Variants in TXNL4A observed in about 807,000 individuals in gnomAD.
TXNL4A encodes the protein thioredoxin like 4A.
A neutral mutation model predicts 14.6 loss-of-function variants in TXNL4A; 17 were observed. The ratio of observed to expected loss-of-function variants is 1.16; its 90% confidence interval spans 0.80 to 1.74. The LOEUF (loss-of-function observed/expected upper bound fraction) is 1.74. TXNL4A is among the 40% of genes most tolerant of loss of function. The probability of loss-of-function intolerance (pLI) is 0.00; values close to 1 mark genes in which losing one functional copy is unlikely to be tolerated. For synonymous variants in TXNL4A, 83 were observed against 70.6 expected (o/e 1.18, Z -0.88); for missense variants, 74 against 195.2 (o/e 0.38, Z 3.70).
At chr18:79,992,530 A>G (rs2051634617), upstream of TXNL4A, among the ~76,000 whole-genome samples, 2 of 152,130 alleles carry the variant, frequency 1.3e-5, no homozygotes, top group African/African-American at 4.8e-5. Flanking sequence ...CCCCAAACTC[A>G]TTAAGCCAAA....
intron 1 of TXNL4A, among the ~76,000 whole-genome samples, chr18:80,020,385 T>C (rs995915860): frequency 1.3e-5 from 2 of 152,180 alleles, no homozygotes; most frequent in African/African-American, 4.8e-5. Flanking sequence ...AGACTTCCTT[T>C]AGAGGATAGC....
intron 1 of TXNL4A, among the ~76,000 whole-genome samples, chr18:80,028,202 G>C (rs2051897504): frequency 6.7e-6 from 1 of 148,774 alleles, no homozygotes; most frequent in Non-Finnish European, 1.5e-5. Context: ...CCAACACCTG[G>C]ACCCGGTGGC....
At chr18:80,013,354 C>G (rs1222468164) in intron 1 of TXNL4A, among the ~76,000 whole-genome samples, 2 of 151,892 alleles carry the variant, frequency 1.3e-5, no homozygotes, top group Admixed American at 6.6e-5. Flanking sequence ...GATCTCCTAC[C>G]TCATGATCCC....
intron 1 of TXNL4A, among the ~76,000 whole-genome samples, chr18:80,006,792 T>C (rs531880583): frequency 1.3e-5 from 2 of 152,284 alleles, no homozygotes; most frequent in South Asian, 4.1e-4. Context: ...ATCGATGAGC[T>C]TGAGAAGGTG....
At chr18:80,030,178 TAGA>T (rs2051912019) in intron 1 of TXNL4A, among the ~76,000 whole-genome samples, 1 of 152,176 alleles carries the variant, frequency 6.6e-6, no homozygotes. Flanking sequence ...AACCCAGGAT[TAGA>T]AGCAGACAAC....
At chr18:80,023,098 A>G (rs561577377) in intron 1 of TXNL4A, among the ~76,000 whole-genome samples, 1 of 152,346 alleles carries the variant, frequency 6.6e-6, no homozygotes, top group South Asian at 2.1e-4. Context: ...GGACTGATTA[A>G]CTTTCAAACA....
intron 1 of TXNL4A, among the ~76,000 whole-genome samples, chr18:80,002,447 CA>C (rs1379832633): frequency 1.3e-5 from 2 of 152,054 alleles, no homozygotes; most frequent in East Asian, 1.9e-4. Context: ...ATGCTAAAAA[CA>C]AAAAAGCCAC....
In TXNL4A at chr18:79,982,839, G is replaced by C. The variant is rs1290535595; in HGVS notation, c.154-5138C>G. Among the ~76,000 whole-genome samples the C allele has an allele frequency of 6.6e-6, 1 of 152,064 alleles. No homozygotes were observed. Among genetic ancestry groups the C allele is most frequent in the Non-Finnish European group, 1.5e-5 (1 of 68,020 alleles). On this transcript the variant is annotated intron_variant, in intron 1 of 2. Coordinates refer to ENST00000269601, the MANE Select transcript of TXNL4A (RefSeq NM_006701.5). The surrounding 1 kb of genome is among the most constrained non-coding windows in gnomAD (Gnocchi z 4.0). Reference sequence around the variant, plus strand: ...TTTTCTTGGTGAAATGGCATCTGTGGGGTGACTGGAGGAGCATGAGCTGAG... The same window carrying C: ...TTTTCTTGGTGAAATGGCATCTGTGCGGTGACTGGAGGAGCATGAGCTGAG...
intron 2 of TXNL4A, among the ~76,000 whole-genome samples, chr18:79,976,203 CT>C (rs977365160): frequency 6.6e-6 from 1 of 152,206 alleles, no homozygotes; most frequent in Non-Finnish European, 1.5e-5. Context: ...GATGGTGCCA[CT>C]GCACTCCACC....
chr18:79,977,063 T>C (rs2051390466), intron 2 of TXNL4A, among the ~76,000 whole-genome samples: 1 of 152,032 alleles, frequency 6.6e-6, no homozygotes. Flanking sequence ...TGGGTACAAG[T>C]GATTCTCCTG....
intron 1 of TXNL4A, among the ~76,000 whole-genome samples, chr18:80,023,666 C>G (rs1409137638): frequency 6.6e-6 from 1 of 152,150 alleles, no homozygotes; most frequent in Non-Finnish European, 1.5e-5. Flanking sequence ...CATATGTTAC[C>G]ATGAATATTT....
At chr18:79,978,822 TTATAGA>T (rs1196855154) in intron 1 of TXNL4A, among the ~76,000 whole-genome samples, 3 of 151,378 alleles carry the variant, frequency 2.0e-5, no homozygotes, top group Non-Finnish European at 2.9e-5. Flanking sequence ...TTCCCCTTTC[TTATAGA>T]TATATATTTT....
intron 1 of TXNL4A, among the ~76,000 whole-genome samples, chr18:80,025,422 C>T (rs1398561341): frequency 6.6e-6 from 1 of 152,224 alleles, no homozygotes; most frequent in African/African-American, 2.4e-5. Flanking sequence ...ATGTTTAACA[C>T]TCGCTCAACA....
intron 2 of TXNL4A, among the ~76,000 whole-genome samples, chr18:79,974,210 C>T (rs1292603860): frequency 1.3e-5 from 2 of 152,058 alleles, no homozygotes; most frequent in South Asian, 2.1e-4. Flanking sequence ...GCCCGGAGTC[C>T]GAGATCAACA....
intron 1 of TXNL4A, among the ~76,000 whole-genome samples, chr18:79,980,866 A>G (rs1049906476): frequency 2.0e-5 from 3 of 152,180 alleles, no homozygotes; most frequent in African/African-American, 7.2e-5. Context: ...ATGTGCTTTC[A>G]AAACCCCAAA....
At chr18:80,017,844 C>T (rs1319945003) in intron 1 of TXNL4A, among the ~76,000 whole-genome samples, 36 of 151,876 alleles carry the variant, frequency 2.4e-4, no homozygotes, top group Non-Finnish European at 5.0e-4. Flanking sequence ...TGTGTCTCTG[C>T]CCAGCTTTGG....
intron 1 of TXNL4A, among the ~76,000 whole-genome samples, chr18:80,010,906 C>G (rs1272911608): frequency 6.6e-6 from 1 of 151,920 alleles, no homozygotes; most frequent in Non-Finnish European, 1.5e-5. Flanking sequence ...TAACTCCTTT[C>G]AGTCCCCCCG....
chr18:80,004,008 T>C (rs1243850155), intron 1 of TXNL4A, among the ~76,000 whole-genome samples: 1 of 151,982 alleles, frequency 6.6e-6, no homozygotes, highest in Non-Finnish European at 1.5e-5. Flanking sequence ...AGATTTTGGG[T>C]GGGGACACAG....
At chr18:80,033,242 T>C (rs2051936596) in intron 1 of TXNL4A, among the ~76,000 whole-genome samples, 1 of 151,932 alleles carries the variant, frequency 6.6e-6, no homozygotes, top group African/African-American at 2.4e-5. Context: ...TCCACACACA[T>C]GCACACACAC....
Sources: gnomAD v4.1 joint callset for allele counts (sites outside exome capture counted in the v4.1 genomes callset) on GRCh38, gnomAD v4.1.1 for gene constraint, Gnocchi (gnomAD v3.1) non-coding constraint, MANE v1.5 for transcripts, NCBI Gene and HGNC (gene_info 2026-07-23, HGNC 2026-07-21) for gene names.